The following PREX1 variants were observed in gnomAD, a reference collection of about 807,000 sequenced individuals.
PREX1 encodes the protein phosphatidylinositol 3,4,5-trisphosphate-dependent Rac exchanger 1 protein.
Under a neutral mutation model 198.3 loss-of-function variants are expected in PREX1, and 41 were observed. That is an observed-to-expected ratio of 0.21 (90% CI 0.16 to 0.27). The LOEUF (loss-of-function observed/expected upper bound fraction) is 0.27. PREX1 is among the 10% of genes least tolerant of loss of function. The pLI, the probability that PREX1 is intolerant of heterozygous loss-of-function variation, is 1.00. For synonymous variants in PREX1, 843 were observed against 887.2 expected, an observed-to-expected ratio of 0.95 and a Z score of 0.89; for missense variants, 1,620 against 2,200.7, an observed-to-expected ratio of 0.74 and a Z score of 5.28.
Position 48,691,585 on chromosome 20 carries a change from C to A in PREX1, c.1037-489G>T, listed in dbSNP as rs1438728092. On this transcript the variant is annotated intron_variant, in intron 8 of 39. Transcript: ENST00000371941. The surrounding 1 kb of genome is among the most constrained non-coding windows in gnomAD (Gnocchi z 5.0). ...CTGAATCTGAGGAGGGCTCCACGGG[C>A]TTCATGAGACTGCCAAAGGGGACTG... Among the ~76,000 whole-genome samples the A allele has an allele frequency of 6.6e-6, 1 of 152,180 alleles. No individual in the cohort carries two copies. The highest frequency in any genetic ancestry group is 1.5e-5 in the Non-Finnish European group (1 of 68,026).
chr20:48,711,824 T>TG (rs2089932794), intron 5 of PREX1, among the ~76,000 whole-genome samples: 4 of 152,218 alleles, frequency 2.6e-5, no homozygotes, highest in Middle Eastern at 3.2e-3. Flanking sequence ...GGACACAAGG[T>TG]TCTCATGGAT....
chr20:48,650,202 G>A lies in PREX1; in HGVS notation c.2822C>T (p.Ala941Val). ...GQRIACYQEFAAQLKSRVSPP... is the reference protein window; with the variant it reads ...GQRIACYQEFVAQLKSRVSPP... ...GCTGACCCTGCTCTTCAGTTGGGCT[G>A]CAAACTGAGAAAGTGGAGGCCGTAA... Residue 941 changes from alanine to valine, a missense_variant, in exon 24 of 40, where the codon GCA becomes GTA. Ala to Val is a moderately conservative substitution (Grantham distance 64). Coordinates refer to ENST00000371941, the MANE Select transcript of PREX1 (RefSeq NM_020820.4). 4 of 1,610,888 alleles carry A rather than the reference G, an allele frequency of 2.5e-6. No individual in the cohort carries two copies. Among genetic ancestry groups the A allele is most frequent in the Non-Finnish European group, 2.5e-6 (3 of 1,177,954 alleles).
At chr20:48,762,593 G>A (rs529933034) in intron 1 of PREX1, among the ~76,000 whole-genome samples, 8 of 152,176 alleles carry the variant, frequency 5.3e-5, no homozygotes, top group South Asian at 4.1e-4. Flanking sequence ...ATCCTGGTTC[G>A]GTCATTTGCT....
the PREX1 span, among the ~76,000 whole-genome samples, chr20:48,861,765 T>C: frequency 6.6e-6 from 1 of 152,132 alleles, no homozygotes; most frequent in East Asian, 1.9e-4. Context: ...TAGGGGGACC[T>C]CACAAGAGGC....
At chr20:48,772,229 A>T (rs1003711455) in intron 1 of PREX1, among the ~76,000 whole-genome samples, 4 of 152,162 alleles carry the variant, frequency 2.6e-5, no homozygotes, top group Non-Finnish European at 2.9e-5. Context: ...CTAAAAAAAT[A>T]AAAAAGTAAA....
At chr20:48,811,583 C>A (rs2090435639) in intron 1 of PREX1, among the ~76,000 whole-genome samples, 1 of 151,708 alleles carries the variant, frequency 6.6e-6, no homozygotes, top group African/African-American at 2.4e-5. Context: ...TACACACACA[C>A]ACGTGTGCAT....
chr20:48,773,735 G>A (rs1181902547), intron 1 of PREX1, among the ~76,000 whole-genome samples: 1 of 152,216 alleles, frequency 6.6e-6, no homozygotes, highest in East Asian at 1.9e-4. Context: ...AGAATGTGCA[G>A]TGCCTTCTGG....
the PREX1 span, among the ~76,000 whole-genome samples, chr20:48,836,666 G>C: frequency 6.6e-6 from 1 of 152,184 alleles, no homozygotes; most frequent in South Asian, 2.1e-4. Flanking sequence ...TGTAATCCTA[G>C]CACTTTGGGA....
the PREX1 span, among the ~76,000 whole-genome samples, chr20:48,868,976 A>G: frequency 6.6e-6 from 1 of 151,894 alleles, no homozygotes; most frequent in Admixed American, 6.6e-5. Flanking sequence ...TCTTGGGTTC[A>G]AGCAATCCTC....
chr20:48,672,112 T>C (rs2089679443), intron 14 of PREX1, among the ~76,000 whole-genome samples: 1 of 152,160 alleles, frequency 6.6e-6, no homozygotes, highest in African/African-American at 2.4e-5. Context: ...CCACCAACAC[T>C]GGAAGTGGCT....
intron 13 of PREX1, among the ~76,000 whole-genome samples, chr20:48,676,660 A>ATGG (rs2089711612): frequency 1.3e-5 from 2 of 151,484 alleles, no homozygotes; most frequent in African/African-American, 4.9e-5. Context: ...GAGGCCGGGG[A>ATGG]TGCTGCTGAA....
At position 48,632,546 on chromosome 20, in the gene PREX1, C is replaced by G; in HGVS notation, c.4361G>C (p.Arg1454Pro). ...CCTCAGGCTGGCCCCACCCTCCAGG[C>G]GGGAGGGCAGCTTGGAGAAGTGGTA... ...DSYHFSKLPS[R>P]LEGGASLRLH... Residue 1454 changes from arginine (R) to proline (P), a missense_variant, in exon 34 of 40, where the codon CGC becomes CCC. Transcript: ENST00000371941. 6.2e-7 allele frequency: 1 copy of G among 1,614,004 alleles called. No homozygotes were observed. Among genetic ancestry groups the G allele is most frequent in the Non-Finnish European group, 8.5e-7 (1 of 1,179,938 alleles).
chr20:48,723,234 C>G (rs574746989), intron 5 of PREX1, among the ~76,000 whole-genome samples: 2 of 152,320 alleles, frequency 1.3e-5, no homozygotes, highest in East Asian at 1.9e-4. Flanking sequence ...CAAGAGGGCT[C>G]AGAGGGCCAC....
chr20:48,682,465 A>G (rs1568821857), intron 10 of PREX1, among the ~76,000 whole-genome samples: 1 of 152,222 alleles, frequency 6.6e-6, no homozygotes, highest in East Asian at 1.9e-4. Context: ...TGACATGAAC[A>G]GGGTGTTTTC....
At position 48,746,995 on chromosome 20, in the gene PREX1, CA is replaced by C. The variant is rs1568848683; in HGVS notation, c.291+813del. Among the ~76,000 whole-genome samples the C allele has an allele frequency of 1.5e-3, 189 of 127,422 alleles. 1 individual carries two copies. Among genetic ancestry groups the C allele is most frequent in the South Asian group, 5.6e-3 (22 of 3,900 alleles). 83.6% of individuals were successfully genotyped at this position (127,422 alleles called of 152,430 possible). ...ACACACACACACACACACACACACA[CA>C]CACACACACACACACCCCACCCCCA... On this transcript the variant is annotated intron_variant, in intron 2 of 39. Coordinates refer to ENST00000371941, the MANE Select transcript of PREX1 (RefSeq NM_020820.4).
At position 48,793,803 on chromosome 20, in the gene PREX1, T is replaced by G. The variant is rs543654802; in HGVS notation, c.219+33839A>C. 2.0e-4 allele frequency among the ~76,000 whole-genome samples: 31 copies of G among 152,232 alleles called. 1 individual carries two copies. Among genetic ancestry groups the G allele is most frequent in the Non-Finnish European group, 4.1e-4 (28 of 68,032 alleles). Reference sequence around the variant, plus strand: ...CATGGAAGCATTACTTATTCATATGTAAGGGTCAGTTCTGGCCATTAATAA... The same window carrying G: ...CATGGAAGCATTACTTATTCATATGGAAGGGTCAGTTCTGGCCATTAATAA... On this transcript the variant is annotated intron_variant, in intron 1 of 39. Coordinates refer to ENST00000371941, the MANE Select transcript of PREX1 (RefSeq NM_020820.4).
At chr20:48,657,886 C>G (rs1419073166) in intron 17 of PREX1, among the ~76,000 whole-genome samples, 3 of 152,244 alleles carry the variant, frequency 2.0e-5, no homozygotes, top group African/African-American at 4.8e-5. Context: ...TACCTCCCCA[C>G]AATGTCCAGC....
At chr20:48,766,897 A>G (rs1239713981) in intron 1 of PREX1, among the ~76,000 whole-genome samples, 1 of 152,150 alleles carries the variant, frequency 6.6e-6, no homozygotes, top group East Asian at 1.9e-4. Flanking sequence ...ACACTGTGTG[A>G]TAACACTGCC....
chr20:48,627,726 C>T, intron 38 of PREX1, 111 bp from the exon 39 acceptor site: 1 of 1,415,916 alleles, frequency 7.1e-7, no homozygotes, highest in Non-Finnish European at 9.8e-7. Flanking sequence ...AAGCTAAGAT[C>T]CTTGCTCCCC....
Sources: allele counts gnomAD v4.1 joint callset (sites outside exome capture counted in the v4.1 genomes callset), GRCh38; gene constraint gnomAD v4.1.1; non-coding constraint Gnocchi (gnomAD v3.1); transcripts MANE v1.5; gene names NCBI Gene and HGNC (gene_info 2026-07-23, HGNC 2026-07-21).